NDUFC2: variants seen among roughly 807,000 people sequenced by gnomAD.
NDUFC2 encodes NADH:ubiquinone oxidoreductase subunit C2, also known as NADH dehydrogenase [ubiquinone] 1 subunit C2.
Under a neutral mutation model 10.1 loss-of-function variants are expected in NDUFC2, and 2 were observed. That is an observed-to-expected ratio of 0.20 (90% confidence interval 0.08 to 0.62). The LOEUF (loss-of-function observed/expected upper bound fraction) is 0.62, where lower values mean the gene tolerates loss of function less well. NDUFC2 is among the 20% of genes least tolerant of loss of function. NDUFC2 has a pLI of 0.87. For missense variants in NDUFC2, 156 were observed against 159.6 expected, an observed-to-expected ratio of 0.98 and a Z score of 0.12; for synonymous variants, 61 against 63.6, an observed-to-expected ratio of 0.96 and a Z score of 0.20.
chr11:78,072,753 G>T, intron 2 of NDUFC2: 1 of 565,526 alleles, frequency 1.8e-6, no homozygotes, highest in Admixed American at 3.5e-5. Flanking sequence ...GCCATTCTCT[G>T]AAGCAGGACA....
At position 78,079,800 on chromosome 11, in the gene NDUFC2, C is replaced by G; in HGVS notation, c.-56G>C. The G allele has an allele frequency of 6.5e-7, 1 of 1,547,502 alleles. No homozygotes were observed. Among genetic ancestry groups the G allele is most frequent in the Non-Finnish European group, 8.7e-7 (1 of 1,152,198 alleles). ...TCAGACCACGAACTACAAGGAAAAC[C>G]ACGACGACCACTACCCCGGCCTAAG... On this transcript the variant is annotated 5_prime_UTR_variant, in exon 1 of 3. Transcript: ENST00000281031.
In NDUFC2 at chr11:78,073,397, C is replaced by T. The variant is rs187180879; in HGVS notation, c.167-256G>A. Among the ~76,000 whole-genome samples the T allele has an allele frequency of 6.0e-4, 92 of 152,250 alleles. 3 individuals are homozygous for T. In the East Asian group the frequency reaches 0.016, roughly 27 times the overall value. ...GTCTCAGCTACTTGGGAGGCTGAGGCAGGCGAATCATTGGAACCTGGGAGG... is the reference window on the plus strand; with the variant it reads ...GTCTCAGCTACTTGGGAGGCTGAGGTAGGCGAATCATTGGAACCTGGGAGG... On this transcript the variant is annotated intron_variant, in intron 1 of 2. Coordinates refer to ENST00000281031, the MANE Select transcript of NDUFC2 (RefSeq NM_004549.6).
rs574443617 is a variant in NDUFC2, at chr11:78,069,793, T to C, written c.*194A>G. 1,312 of 1,310,118 alleles carry C rather than the reference T, an allele frequency of 1.0e-3. No homozygotes were observed. The highest frequency in any genetic ancestry group is 1.2e-3 in the Non-Finnish European group (1,100 of 943,344). 81.2% of individuals were successfully genotyped at this position (1,310,118 alleles called of 1,614,324 possible). Reference sequence around the variant, plus strand: ...TCTTAAAATCTTTCAGATGGGTGAATGGAAACTGACCATTCTCTGATGATG... The same window carrying C: ...TCTTAAAATCTTTCAGATGGGTGAACGGAAACTGACCATTCTCTGATGATG... On this transcript the variant is annotated 3_prime_UTR_variant, in exon 3 of 3. Transcript: ENST00000281031.
intron 1 of NDUFC2, among the ~76,000 whole-genome samples, chr11:78,079,307 C>T (rs1244827137): frequency 6.6e-6 from 1 of 152,140 alleles, no homozygotes; most frequent in Non-Finnish European, 1.5e-5. Context: ...GCGCACACAG[C>T]ACAACACGAA....
In NDUFC2 at chr11:78,070,022, CAT is replaced by C; in HGVS notation, c.323_324del (p.Tyr108TrpfsTer2). The C allele has an allele frequency of 1.3e-6, 2 of 1,590,370 alleles. No homozygotes were observed. Among genetic ancestry groups the C allele is most frequent in the Non-Finnish European group, 1.7e-6 (2 of 1,162,220 alleles). On this transcript the variant is annotated frameshift_variant, in exon 3 of 3. Coordinates refer to ENST00000281031, the MANE Select transcript of NDUFC2 (RefSeq NM_004549.6). LOFTEE classifies it high-confidence loss of function. ...EDFPEEDKKTYGEIFEKFHPI... is the reference protein window; with the variant it reads ...EDFPEEDKKTXGEIFEKFHPI... ...GGATGGAATTTTTCAAAAATTTCACCATATGTTTTCTTATCTATAAAAGGAAA... is the reference window on the plus strand; with the variant it reads ...GGATGGAATTTTTCAAAAATTTCACCATGTTTTCTTATCTATAAAAGGAAA...
chr11:78,079,032 C>T (rs1289729325), intron 1 of NDUFC2, among the ~76,000 whole-genome samples: 1 of 149,468 alleles, frequency 6.7e-6, no homozygotes, highest in Non-Finnish European at 1.5e-5. Context: ...AGCCCAGAAT[C>T]CGAATTTTAA....
chr11:78,069,898 G>A lies in NDUFC2; in HGVS notation c.*89C>T, dbSNP rs1315305882. The A allele has an allele frequency of 6.2e-7, 1 of 1,612,702 alleles. No homozygotes were observed. Among genetic ancestry groups the A allele is most frequent in the Non-Finnish European group, 8.5e-7 (1 of 1,179,338 alleles). ...TTACAAGGTGTCAACATACAGATTA[G>A]CATAAGCTTCAACTGTCATAAGAAA... is the stretch of plus-strand genomic sequence containing the variant. On this transcript the variant is annotated 3_prime_UTR_variant, in exon 3 of 3. Coordinates refer to ENST00000281031, the MANE Select transcript of NDUFC2 (RefSeq NM_004549.6).
intron 1 of NDUFC2, among the ~76,000 whole-genome samples, chr11:78,074,338 C>T (rs1015277965): frequency 4.0e-5 from 6 of 151,560 alleles, no homozygotes; most frequent in African/African-American, 9.7e-5. Flanking sequence ...CCTGGCTGGG[C>T]GTGGTGGCTC....
At chr11:78,075,019 G>A (rs56993077) in intron 1 of NDUFC2, among the ~76,000 whole-genome samples, 3,043 of 152,270 alleles carry the variant, frequency 0.02, 100 homozygotes, top group African/African-American at 0.07. Context: ...TCTCTTAGTG[G>A]TCGACCTCTC....
At chr11:78,071,399 G>C (rs1450994760) in intron 2 of NDUFC2, among the ~76,000 whole-genome samples, 1 of 151,886 alleles carries the variant, frequency 6.6e-6, no homozygotes, top group Non-Finnish European at 1.5e-5. Context: ...TGGGTCTATA[G>C]GCATGTGCCA....
Position 78,069,737 on chromosome 11 carries a change from TCTG to T in NDUFC2, c.*247_*249del, listed in dbSNP as rs1176487846. ...TTGGCAGTGGGCCAGATTTGGGTAG[TCTG>T]CTAACTCTAAACTAGAATTCAACCT... On this transcript the variant is annotated 3_prime_UTR_variant, in exon 3 of 3. Transcript: ENST00000281031. The T allele has an allele frequency of 5.3e-5, 41 of 776,698 alleles. No individual in the cohort carries two copies. The highest frequency in any genetic ancestry group is 7.6e-5 in the Non-Finnish European group (37 of 489,662). 48.1% of individuals were successfully genotyped at this position (776,698 alleles called of 1,614,324 possible).
intron 2 of NDUFC2, among the ~76,000 whole-genome samples, chr11:78,072,536 C>A (rs1859055762): frequency 6.6e-6 from 1 of 152,148 alleles, no homozygotes; most frequent in African/African-American, 2.4e-5. Flanking sequence ...AAGACCAAAG[C>A]AAGTGGTGAG....
intron 2 of NDUFC2, 71 bp downstream of exon 2, chr11:78,072,927 A>T: frequency 6.4e-7 from 1 of 1,569,002 alleles, no homozygotes; most frequent in Non-Finnish European, 8.6e-7. Context: ...AAAGCCATAC[A>T]CATGGATAAG....
At chr11:78,076,907 A>T (rs770272222) in intron 1 of NDUFC2, among the ~76,000 whole-genome samples, 34 of 152,106 alleles carry the variant, frequency 2.2e-4, no homozygotes, top group Non-Finnish European at 3.5e-4. Flanking sequence ...CTATCAAAAC[A>T]TGTATCTATC....
chr11:78,078,743 T>TTTTTTTTTTTTTTTTTTTA (rs1859362696), intron 1 of NDUFC2, among the ~76,000 whole-genome samples: 1 of 142,912 alleles, frequency 7.0e-6, no homozygotes, highest in Non-Finnish European at 1.5e-5. Context: ...TTTTTTTTTT[T>TTTTTTTTTTTTTTTTTTTA]GAGACAGGGT....
At chr11:78,076,218 T>C (rs565620406) in intron 1 of NDUFC2, among the ~76,000 whole-genome samples, 1 of 152,086 alleles carries the variant, frequency 6.6e-6, no homozygotes, top group Non-Finnish European at 1.5e-5. Flanking sequence ...CTCGGCTCAC[T>C]GAAATCTCCA....
At chr11:78,070,524 A>G (rs1858957120) in intron 2 of NDUFC2, among the ~76,000 whole-genome samples, 1 of 152,222 alleles carries the variant, frequency 6.6e-6, no homozygotes, top group African/African-American at 2.4e-5. Context: ...GCATTTTGTT[A>G]TAGTAGGCCA....
chr11:78,079,828 G>T lies in NDUFC2; in HGVS notation c.-84C>A. ...GACGACCACTACCCCGGCCTAAGCG[G>T]TCAGCTTTCTCCTCCTCCTCTGCGC... is the stretch of plus-strand genomic sequence containing the variant. On this transcript the variant is annotated 5_prime_UTR_variant, in exon 1 of 3. Transcript: ENST00000281031. 21 of 1,485,860 alleles carry T rather than the reference G, an allele frequency of 1.4e-5. No individual in the cohort carries two copies. Among genetic ancestry groups the T allele is most frequent in the Non-Finnish European group, 1.8e-5 (20 of 1,117,034 alleles). 92.0% of individuals were successfully genotyped at this position (1,485,860 alleles called of 1,614,324 possible).
chr11:78,079,750 C>T lies in NDUFC2; in HGVS notation c.-6G>A, dbSNP rs1298788535. The stretch of plus-strand genomic sequence containing the variant: ...GGGTTCCGCCGTGCGATCATGGTGA[C>T]GCCGTTTCCACTTGAGGCCTGGTCT... On this transcript the variant is annotated 5_prime_UTR_variant, in exon 1 of 3. Transcript: ENST00000281031. 9 of 1,604,416 alleles carry T rather than the reference C, an allele frequency of 5.6e-6. No homozygotes were observed. In the African/African-American group the frequency reaches 9.4e-5, roughly 17 times the overall value.
Sources: gnomAD v4.1 joint callset for allele counts (sites outside exome capture counted in the v4.1 genomes callset) on GRCh38, gnomAD v4.1.1 for gene constraint, MANE v1.5 for transcripts, NCBI Gene and HGNC (gene_info 2026-07-23, HGNC 2026-07-21) for gene names.